EMID1: variants seen among roughly 807,000 people sequenced by gnomAD.
The protein encoded by EMID1 is EMI domain containing 1, also known as EMI domain-containing protein 1.
EMID1 carries 40 observed loss-of-function variants against 60.6 expected under a neutral mutation model. The observed-to-expected ratio is 0.66, with a 90% confidence interval of 0.51 to 0.86. EMID1 has a LOEUF of 0.86. Among genes scored for constraint, EMID1 ranks in the 40% least tolerant of loss-of-function variants. The pLI, the probability that EMID1 is intolerant of heterozygous loss-of-function variation, is 0.00. For missense variants in EMID1, 585 were observed against 597.1 expected (o/e 0.98, Z 0.21); for synonymous variants, 242 against 231.0 (o/e 1.05, Z -0.43).
chr22:29,216,243 C>T (rs2040078685), intron 3 of EMID1: 1 of 949,956 alleles, frequency 1.1e-6, no homozygotes, highest in African/African-American at 1.8e-5. Flanking sequence ...GAGCACCCTG[C>T]AGGGGCACAG....
At position 29,258,706 on chromosome 22, in the gene EMID1, T is replaced by G. The variant is rs550061141; in HGVS notation, c.1205-111T>G. 74 of 1,469,596 alleles carry G rather than the reference T, an allele frequency of 5.0e-5. No homozygotes were observed. In the African/African-American group the frequency reaches 9.7e-4, roughly 19 times the overall value. The allele number at this position is 1,469,596 out of a possible 1,614,324, so 91.0% of individuals were successfully genotyped here. A position where few individuals can be genotyped will look rare whatever the true frequency, so the allele number is the denominator to read the frequency against. On this transcript the variant is annotated intron_variant, in intron 14 of 14. Transcript: ENST00000334018. ...CTCTGCAGCCAGATACCAGGGTGGATTATACCTGGCAGAGCGTGCCCGGTT... is the reference window on the plus strand; with the variant it reads ...CTCTGCAGCCAGATACCAGGGTGGAGTATACCTGGCAGAGCGTGCCCGGTT...
chr22:29,244,783 A>T (rs952603545), intron 13 of EMID1, among the ~76,000 whole-genome samples: 1 of 152,092 alleles, frequency 6.6e-6, no homozygotes. Context: ...AACATACCAT[A>T]CCCAAAAGCC....
At chr22:29,255,208 G>GGCC in intron 14 of EMID1, 16 of 815,176 alleles carry the variant, frequency 2.0e-5, no homozygotes, top group Non-Finnish European at 2.8e-5. Context: ...TCCCCGCTTG[G>GGCC]CTCCCCAGCC....
At chr22:29,212,383 G>A (rs2039922021) in intron 1 of EMID1, among the ~76,000 whole-genome samples, 1 of 150,402 alleles carries the variant, frequency 6.6e-6, no homozygotes, top group South Asian at 2.1e-4. Context: ...AATCCTCCTT[G>A]CCTCAGCCTC....
At chr22:29,215,108 G>A in intron 2 of EMID1, 69 bp downstream of exon 2, 1 of 1,476,250 alleles carries the variant, frequency 6.8e-7, no homozygotes, top group Non-Finnish European at 9.1e-7. Flanking sequence ...GGCCTGGTTG[G>A]GGGACTGCAT....
In EMID1 at chr22:29,258,966, C is replaced by A; in HGVS notation, c.*22C>A. ...CTGAGGGTGGTGGCGGCCCCTGAGG[C>A]AGACCAGGCCAGGCTTCCCCTCCTA... On this transcript the variant is annotated 3_prime_UTR_variant, in exon 15 of 15. Transcript: ENST00000334018. 1 of 1,605,432 alleles carries A rather than the reference C, an allele frequency of 6.2e-7. No homozygotes were observed. Among genetic ancestry groups the A allele is most frequent in the Non-Finnish European group, 8.5e-7 (1 of 1,176,262 alleles).
chr22:29,219,951 T>A (rs2146191637), intron 3 of EMID1, among the ~76,000 whole-genome samples: 1 of 152,230 alleles, frequency 6.6e-6, no homozygotes, highest in South Asian at 2.1e-4. Flanking sequence ...ACTTTGCAGA[T>A]TCAGAATCCG....
chr22:29,210,051 G>T (rs1190995695), intron 1 of EMID1, among the ~76,000 whole-genome samples: 1 of 151,950 alleles, frequency 6.6e-6, no homozygotes, highest in Admixed American at 6.6e-5. Context: ...TGGGGCTGGG[G>T]TCCTCAAGGT....
intron 14 of EMID1, among the ~76,000 whole-genome samples, chr22:29,256,368 G>C (rs2041706896): frequency 6.6e-6 from 1 of 151,680 alleles, no homozygotes; most frequent in Non-Finnish European, 1.5e-5. Context: ...GGGAGGCTGA[G>C]GCGGAGAATC....
intron 12 of EMID1, among the ~76,000 whole-genome samples, chr22:29,240,896 T>C (rs1407938642): frequency 1.3e-5 from 2 of 152,182 alleles, no homozygotes; most frequent in Non-Finnish European, 2.9e-5. Flanking sequence ...TGACCTGGTG[T>C]TGGGTCCGAT....
intron 13 of EMID1, among the ~76,000 whole-genome samples, chr22:29,251,263 G>A (rs1436008732): frequency 6.6e-6 from 1 of 150,868 alleles, no homozygotes; most frequent in Non-Finnish European, 1.5e-5. Context: ...TGTATTTTTA[G>A]TAGAGATGGG....
chr22:29,218,930 C>T (rs973889841), intron 3 of EMID1, among the ~76,000 whole-genome samples: 2 of 152,164 alleles, frequency 1.3e-5, no homozygotes, highest in Non-Finnish European at 2.9e-5. Flanking sequence ...CCCAGGGTGC[C>T]GACCTGAGTT....
At chr22:29,250,015 G>A (rs528978339) in intron 13 of EMID1, among the ~76,000 whole-genome samples, 1 of 152,312 alleles carries the variant, frequency 6.6e-6, no homozygotes, top group Admixed American at 6.5e-5. Flanking sequence ...GCCAAGGTGG[G>A]AGGCTCTTTT....
intron 3 of EMID1, among the ~76,000 whole-genome samples, chr22:29,218,925 G>A (rs2040187811): frequency 6.6e-6 from 1 of 152,144 alleles, no homozygotes; most frequent in South Asian, 2.1e-4. Flanking sequence ...TTCTCCCCAG[G>A]GTGCCGACCT....
chr22:29,231,228 A>C, intron 6 of EMID1, 88 bp downstream of exon 6: 4 of 1,494,122 alleles, frequency 2.7e-6, no homozygotes, highest in Non-Finnish European at 3.6e-6. Context: ...CCTGTCGCTG[A>C]CTCCCAACTT....
intron 13 of EMID1, among the ~76,000 whole-genome samples, chr22:29,252,025 T>G (rs1192687674): frequency 6.6e-6 from 1 of 152,196 alleles, no homozygotes; most frequent in Non-Finnish European, 1.5e-5. Context: ...CCCAGGCTGG[T>G]CTCAAACTCC....
intron 1 of EMID1, among the ~76,000 whole-genome samples, chr22:29,212,248 A>G (rs1430666567): frequency 6.6e-6 from 1 of 151,978 alleles, no homozygotes. Context: ...TGGCCTGCCA[A>G]CGTGCTGGGA....
chr22:29,251,293 G>C (rs767258230), intron 13 of EMID1, among the ~76,000 whole-genome samples: 28 of 151,552 alleles, frequency 1.8e-4, no homozygotes, highest in Non-Finnish European at 3.5e-4. Context: ...TGTGGGCTAG[G>C]CTGGTCTGGA....
chr22:29,231,383 G>A, intron 6 of EMID1: 7 of 818,492 alleles, frequency 8.6e-6, no homozygotes, highest in Admixed American at 2.1e-5. Context: ...GGAGCTGGGA[G>A]TGGGGATTCT....
Sources: gnomAD v4.1 joint callset for allele counts (sites outside exome capture counted in the v4.1 genomes callset) on GRCh38, gnomAD v4.1.1 for gene constraint, MANE v1.5 for transcripts, NCBI Gene and HGNC (gene_info 2026-07-23, HGNC 2026-07-21) for gene names.